CFAP61: variants seen among roughly 807,000 people sequenced by gnomAD.
CFAP61 encodes cilia- and flagella-associated protein 61.
A neutral mutation model predicts 135.6 loss-of-function variants in CFAP61; 107 were observed. That is an observed-to-expected ratio of 0.79 (90% CI 0.67 to 0.93). The LOEUF (loss-of-function observed/expected upper bound fraction) is 0.93, where lower values mean the gene tolerates loss of function less well. Among genes scored for constraint, CFAP61 ranks in the 40% least tolerant of loss-of-function variants. The probability of loss-of-function intolerance (pLI) is 0.00; values close to 1 mark genes in which losing one functional copy is unlikely to be tolerated. For missense variants in CFAP61, 1,507 were observed against 1,556.2 expected (o/e 0.97, Z 0.53); for synonymous variants, 575 against 578.5 (o/e 0.99, Z 0.09).
rs150826974 is a variant in CFAP61, at chr20:20,272,256, A to G, written c.2504-4910A>G. Among the ~76,000 whole-genome samples, 829 of 152,278 alleles carry G rather than the reference A, an allele frequency of 5.4e-3. 8 individuals are homozygous for G. The highest frequency in any genetic ancestry group is 0.019 in the African/African-American group (791 of 41,542). On this transcript the variant is annotated intron_variant, in intron 21 of 26. Transcript: ENST00000245957. ...AGAGTTCACTACCAGCCTGGCCAAC[A>G]TGGTGAAACCCCATCTCTATTAAAA...
chr20:20,112,111 A>C (rs2048840337), intron 8 of CFAP61, among the ~76,000 whole-genome samples: 1 of 152,200 alleles, frequency 6.6e-6, no homozygotes, highest in African/African-American at 2.4e-5. Flanking sequence ...AAGAGACTTA[A>C]ATGGTGTGAT....
At chr20:20,337,231 G>A (rs1049692124) in intron 25 of CFAP61, among the ~76,000 whole-genome samples, 1 of 151,920 alleles carries the variant, frequency 6.6e-6, no homozygotes, top group Non-Finnish European at 1.5e-5. Context: ...AGACCTGTTA[G>A]GATGGATGCA....
Position 20,070,986 on chromosome 20 carries a change from C to T in CFAP61, c.276C>T (p.Asp92=). ...DDWVSVFREL[D]SDIPCTPLNT... ...GGGTGTCAGTGTTCCGGGAGCTCGA[C>T]AGTGACATCCCATGCACAGTAAGAA... Residue 92 remains aspartate, a synonymous_variant, in exon 3 of 27, where the codon GAC becomes GAT. Coordinates refer to ENST00000245957, the MANE Select transcript of CFAP61 (RefSeq NM_015585.4). 1 of 1,614,056 alleles carries T rather than the reference C, an allele frequency of 6.2e-7. No individual in the cohort carries two copies. The highest frequency in any genetic ancestry group is 8.5e-7 in the Non-Finnish European group (1 of 1,179,950).
chr20:20,166,506 T>C, intron 12 of CFAP61, 70 bp downstream of exon 12: 1 of 1,193,372 alleles, frequency 8.4e-7, no homozygotes, highest in South Asian at 1.2e-5. Flanking sequence ...TAAAATGCCA[T>C]AAATTTATTA....
At chr20:20,176,137 CA>C (rs11356692) in intron 13 of CFAP61, among the ~76,000 whole-genome samples, 136,987 of 151,776 alleles carry the variant, frequency 0.9, 62,641 homozygotes, top group Middle Eastern at 0.99. Flanking sequence ...AAATGCAAAT[CA>C]AAAACCACAA....
intron 8 of CFAP61, among the ~76,000 whole-genome samples, chr20:20,119,080 CT>C (rs926910349): frequency 2.0e-5 from 3 of 151,910 alleles, no homozygotes; most frequent in Non-Finnish European, 4.4e-5. Flanking sequence ...CTGTAGTTTT[CT>C]TTTTTTGTTC....
In CFAP61 at chr20:20,251,613, A is replaced by G; in HGVS notation, c.2178A>G (p.Lys726=). The change falls in exon 20 of 27, where the codon AAA becomes AAG. Residue 726 remains lysine (K), a synonymous_variant. Transcript: ENST00000245957. ...TTTGCAGCCACTGTTTTAATGATAA[A>G]GATTATGCACTGATGTCACTGTGCT... ...FLASDHCFND[K]DYALMSLCSW... 20 of 1,614,130 alleles carry G rather than the reference A, an allele frequency of 1.2e-5. No individual in the cohort carries two copies. The highest frequency in any genetic ancestry group is 1.7e-5 in the Non-Finnish European group (20 of 1,180,012).
At chr20:20,127,136 T>C (rs2050131191) in intron 8 of CFAP61, among the ~76,000 whole-genome samples, 1 of 151,790 alleles carries the variant, frequency 6.6e-6, no homozygotes, top group Non-Finnish European at 1.5e-5. Flanking sequence ...TATCGTTTTT[T>C]GGATTTCCTT....
At chr20:20,275,317 A>G (rs935021069) in intron 21 of CFAP61, among the ~76,000 whole-genome samples, 4 of 152,226 alleles carry the variant, frequency 2.6e-5, no homozygotes, top group Non-Finnish European at 5.9e-5. Flanking sequence ...GTGGTTTGCT[A>G]TGCAGCATTA....
intron 17 of CFAP61, among the ~76,000 whole-genome samples, chr20:20,205,643 C>G (rs530596612): frequency 1.3e-5 from 2 of 152,332 alleles, no homozygotes; most frequent in South Asian, 2.1e-4. Flanking sequence ...GAATCATCCA[C>G]TCTTGGGTTT....
chr20:20,308,904 G>C (rs76188151), intron 25 of CFAP61, among the ~76,000 whole-genome samples: 1 of 152,194 alleles, frequency 6.6e-6, no homozygotes, highest in Admixed American at 6.5e-5. Context: ...CTGATGAGCC[G>C]TGGTTATCTT....
Position 20,283,115 on chromosome 20 carries a change from T to C in CFAP61, c.2797-5494T>C, listed in dbSNP as rs572126034. The stretch of plus-strand genomic sequence containing the variant: ...AGTCTTTACTGATATTTTTATCTCA[T>C]TCTATTAATTGCTGAGAGAAGGGTA... On this transcript the variant is annotated intron_variant, in intron 22 of 26. Transcript: ENST00000245957. Among the ~76,000 whole-genome samples, 12 of 152,340 alleles carry C rather than the reference T, an allele frequency of 7.9e-5. 1 individual carries two copies. Among genetic ancestry groups the C allele is most frequent in the African/African-American group, 2.9e-4 (12 of 41,582 alleles).
At chr20:20,216,792 C>T (rs1045344970) in intron 17 of CFAP61, among the ~76,000 whole-genome samples, 1 of 131,396 alleles carries the variant, frequency 7.6e-6, no homozygotes, top group Non-Finnish European at 1.6e-5. Flanking sequence ...ATTTTCTATA[C>T]CAATTTTTTT....
chr20:20,063,554 G>C (rs893321192), intron 2 of CFAP61, among the ~76,000 whole-genome samples: 2 of 152,134 alleles, frequency 1.3e-5, no homozygotes, highest in East Asian at 3.8e-4. Flanking sequence ...AATATTCTTA[G>C]TAATAATTCT....
intron 19 of CFAP61, among the ~76,000 whole-genome samples, chr20:20,248,203 A>G (rs1406415386): frequency 2.0e-5 from 3 of 152,318 alleles, no homozygotes; most frequent in Admixed American, 2.0e-4. Context: ...TCTAAATAAC[A>G]CAGCCAGACC....
chr20:20,063,137 A>G (rs1435551334), intron 2 of CFAP61, among the ~76,000 whole-genome samples: 1 of 152,248 alleles, frequency 6.6e-6, no homozygotes, highest in African/African-American at 2.4e-5. Flanking sequence ...GTGCCTTTAT[A>G]AGCAGTCCTA....
chr20:20,124,382 A>G (rs970143788), intron 8 of CFAP61, among the ~76,000 whole-genome samples: 2 of 151,798 alleles, frequency 1.3e-5, no homozygotes, highest in Admixed American at 6.6e-5. Flanking sequence ...GGTTTGTCAT[A>G]GATAGCTTTT....
In CFAP61 at chr20:20,235,902, G is replaced by A. The variant is rs117483455; in HGVS notation, c.2060+7526G>A. ...CGTGAGCCTCTGTGTGAGACCCAGA[G>A]CAGGCAAAGCCATCTATGCAGCAGA... On this transcript the variant is annotated intron_variant, in intron 18 of 26. Transcript: ENST00000245957. Among the ~76,000 whole-genome samples, 170 of 152,278 alleles carry A rather than the reference G, an allele frequency of 1.1e-3. 3 individuals carry two copies. In the East Asian group the frequency reaches 0.022, roughly 20 times the overall value.
chr20:20,307,137 A>G (rs2056525497), intron 25 of CFAP61, among the ~76,000 whole-genome samples: 2 of 152,188 alleles, frequency 1.3e-5, no homozygotes, highest in South Asian at 4.1e-4. Context: ...CACTTGGTAT[A>G]TATCCTAAGA....
Sources: allele counts gnomAD v4.1 joint callset (sites outside exome capture counted in the v4.1 genomes callset), GRCh38; gene constraint gnomAD v4.1.1; transcripts MANE v1.5; gene names NCBI Gene and HGNC (gene_info 2026-07-23, HGNC 2026-07-21).